NAE1: variants seen among roughly 807,000 people sequenced by gnomAD.
NAE1 encodes NEDD8-activating enzyme E1 regulatory subunit.
In NAE1, 59 loss-of-function variants were observed where a neutral mutation model predicts 88.0. That is an observed-to-expected ratio of 0.67 (90% CI 0.54 to 0.83). NAE1 has a LOEUF of 0.83. Ranked by LOEUF, NAE1 falls within the 40% of genes least tolerant of loss-of-function variation. NAE1 has a pLI of 0.00. For missense variants in NAE1, 554 were observed against 632.8 expected, an observed-to-expected ratio of 0.88 and a Z score of 1.34; for synonymous variants, 186 against 208.9, an observed-to-expected ratio of 0.89 and a Z score of 0.95.
chr16:66,826,668 C>A lies in NAE1; in HGVS notation c.157+9G>T. 6.2e-7 allele frequency: 1 copy of A among 1,613,926 alleles called. No homozygotes were observed. ...GTATATTTAGAACACAACCACAAAC[C>A]TACGTTACCTGGTAGTACCAAGTTT... On this transcript the variant is annotated intron_variant, in intron 2 of 19. Coordinates refer to ENST00000290810, the MANE Select transcript of NAE1 (RefSeq NM_003905.4).
At chr16:66,817,137 T>C in intron 9 of NAE1, 109 bp from the exon 10 acceptor site, 2 of 1,380,576 alleles carry the variant, frequency 1.4e-6, no homozygotes, top group East Asian at 5.2e-5. Context: ...AACAAATATA[T>C]TTCTCTGTGA....
intron 7 of NAE1, among the ~76,000 whole-genome samples, chr16:66,819,058 C>T (rs1370481900): frequency 6.6e-6 from 1 of 152,098 alleles, no homozygotes; most frequent in Non-Finnish European, 1.5e-5. Context: ...ACACAGGGCC[C>T]ACAGGTTTTT....
intron 15 of NAE1, among the ~76,000 whole-genome samples, chr16:66,809,516 T>C (rs1202970636): frequency 2.6e-5 from 4 of 152,212 alleles, no homozygotes; most frequent in Admixed American, 2.0e-4. Flanking sequence ...GTAATGACTT[T>C]AAGCTTTGTA....
At chr16:66,822,526 G>T (rs1041739835) in intron 6 of NAE1, among the ~76,000 whole-genome samples, 1 of 151,952 alleles carries the variant, frequency 6.6e-6, no homozygotes, top group South Asian at 2.1e-4. Context: ...AGCTAAGATT[G>T]TGCCACTGCA....
chr16:66,807,865 T>C (rs185505967), intron 17 of NAE1, among the ~76,000 whole-genome samples: 2 of 151,982 alleles, frequency 1.3e-5, no homozygotes, highest in Admixed American at 1.3e-4. Context: ...ACAAAGAAAT[T>C]CCTACATCTT....
At chr16:66,817,136 A>G (rs1428825726) in intron 9 of NAE1, 108 bp from the exon 10 acceptor site, 1 of 1,384,344 alleles carries the variant, frequency 7.2e-7, no homozygotes. Flanking sequence ...CAACAAATAT[A>G]TTTCTCTGTG....
At chr16:66,812,779 G>A (rs1384815634) in intron 13 of NAE1, among the ~76,000 whole-genome samples, 2 of 149,828 alleles carry the variant, frequency 1.3e-5, no homozygotes, top group Admixed American at 6.6e-5. Flanking sequence ...TCGGCCTCCC[G>A]AAGTGGTGGG....
At chr16:66,825,485 A>G (rs904964393) in intron 3 of NAE1, among the ~76,000 whole-genome samples, 4 of 152,054 alleles carry the variant, frequency 2.6e-5, no homozygotes, top group East Asian at 1.9e-4. Context: ...ACCATATACT[A>G]TATTTCCCTC....
At chr16:66,830,648 G>A (rs1464130859) in intron 1 of NAE1, among the ~76,000 whole-genome samples, 199 bp downstream of exon 1, 1 of 152,228 alleles carries the variant, frequency 6.6e-6, no homozygotes, top group African/African-American at 2.4e-5. Flanking sequence ...GCGTGGCGGG[G>A]GAAGGGGTCC....
intron 7 of NAE1, 27 bp from the exon 8 acceptor site, chr16:66,818,664 A>G: frequency 6.3e-7 from 1 of 1,582,622 alleles, no homozygotes; most frequent in Non-Finnish European, 8.5e-7. Context: ...TCAAAAGGAT[A>G]AATTTAACAC....
In NAE1 at chr16:66,817,411, A is replaced by T. The variant is rs1052834183; in HGVS notation, c.684+14T>A. On this transcript the variant is annotated intron_variant, in intron 9 of 19. Transcript: ENST00000290810. Reference sequence around the variant, plus strand: ...TACAGTTGCATATGAAATTTTTTTTAAAAAAGGACATACTTCACTATACCA... The same window carrying T: ...TACAGTTGCATATGAAATTTTTTTTTAAAAAGGACATACTTCACTATACCA... The T allele has an allele frequency of 5.7e-6, 9 of 1,585,090 alleles. No individual in the cohort carries two copies. Among genetic ancestry groups the T allele is most frequent in the East Asian group, 2.2e-5 (1 of 44,588 alleles).
In NAE1 at chr16:66,810,401, T is replaced by G. The variant is rs751267358; in HGVS notation, c.1123A>C (p.Ile375Leu). Residue 375 changes from isoleucine to leucine, a missense_variant, in exon 15 of 20, where the codon ATT becomes CTT. Ile to Leu is a conservative substitution (Grantham distance 5). Transcript: ENST00000290810. ...AGTAATTTTAATTCTTTCTCTGAAA[T>G]GGACTCTGGTGCCTGTAAAGAGATA... ...LQSIGQAPESISEKELKLLCS... is the reference protein window; with the variant it reads ...LQSIGQAPESLSEKELKLLCS... 1.2e-6 allele frequency: 2 copies of G among 1,600,726 alleles called. No homozygotes were observed. The highest frequency in any genetic ancestry group is 1.7e-6 in the Non-Finnish European group (2 of 1,170,634).
At chr16:66,810,137 G>A (rs572479071) in intron 15 of NAE1, among the ~76,000 whole-genome samples, 6 of 151,928 alleles carry the variant, frequency 3.9e-5, no homozygotes, top group East Asian at 3.9e-4. Flanking sequence ...TTAACTGACC[G>A]TCAAGCCTTT....
intron 7 of NAE1, among the ~76,000 whole-genome samples, chr16:66,819,077 T>A (rs1960157916): frequency 6.6e-6 from 1 of 152,216 alleles, no homozygotes; most frequent in Non-Finnish European, 1.5e-5. Context: ...TTTCACTGTT[T>A]TATTAAGGTA....
intron 1 of NAE1, among the ~76,000 whole-genome samples, 165 bp downstream of exon 1, chr16:66,830,682 C>T (rs1960657849): frequency 1.3e-5 from 2 of 152,214 alleles, no homozygotes; most frequent in Non-Finnish European, 2.9e-5. Context: ...GCACCTTTGG[C>T]CCAGGGCGGG....
At chr16:66,830,721 G>T in intron 1 of NAE1, 126 bp downstream of exon 1, 1 of 895,038 alleles carries the variant, frequency 1.1e-6, no homozygotes, top group Non-Finnish European at 1.6e-6. Context: ...CCCGCGCCCC[G>T]CACGGCCCGG....
At chr16:66,830,352 G>A (rs924810324) in intron 1 of NAE1, among the ~76,000 whole-genome samples, 1 of 152,226 alleles carries the variant, frequency 6.6e-6, no homozygotes, top group Non-Finnish European at 1.5e-5. Flanking sequence ...GACATATTGG[G>A]TTAAATTGTA....
chr16:66,827,494 GGA>G (rs1458403895), intron 1 of NAE1: 2 of 153,030 alleles, frequency 1.3e-5, no homozygotes, highest in Non-Finnish European at 2.9e-5. Context: ...CGTGAACCCA[GGA>G]GGCGGAGCTT....
intron 1 of NAE1, among the ~76,000 whole-genome samples, chr16:66,828,933 C>A (rs1018419473): frequency 1.3e-5 from 2 of 151,118 alleles, no homozygotes. Context: ...AGTGTTCTTG[C>A]CACTGCACTC....
Sources: allele counts gnomAD v4.1 joint callset (sites outside exome capture counted in the v4.1 genomes callset), GRCh38; gene constraint gnomAD v4.1.1; transcripts MANE v1.5; gene names NCBI Gene and HGNC (gene_info 2026-07-23, HGNC 2026-07-21).